EPB41L4A: variants seen among roughly 807,000 people sequenced by gnomAD.
EPB41L4A encodes the protein erythrocyte membrane protein band 4.1 like 4A.
Under a neutral mutation model 108.6 loss-of-function variants are expected in EPB41L4A, and 100 were observed. That is an observed-to-expected ratio of 0.92 (90% CI 0.78 to 1.09). The LOEUF (loss-of-function observed/expected upper bound fraction) is 1.09, where lower values mean the gene tolerates loss of function less well. EPB41L4A is among the 50% of genes least tolerant of loss of function. The pLI is 0.00. For missense variants in EPB41L4A, 1,030 were observed against 842.7 expected (o/e 1.22, Z -2.75); for synonymous variants, 319 against 289.0 (o/e 1.10, Z -1.05).
intron 1 of EPB41L4A, among the ~76,000 whole-genome samples, chr5:112,310,247 G>T (rs1754963079): frequency 6.6e-6 from 1 of 152,118 alleles, no homozygotes; most frequent in Admixed American, 6.5e-5. Context: ...CTAATGCATT[G>T]GAAAGCCAAC....
rs182688427 is a variant in EPB41L4A, at chr5:112,209,768, G to A, written c.1178+124C>T. The A allele has an allele frequency of 1.3e-5, 7 of 545,336 alleles. No homozygotes were observed. The South Asian group carries it at 1.3e-4, about 10-fold the overall frequency. The allele number at this position is 545,336 out of a possible 1,614,324, so 33.8% of individuals were successfully genotyped here. A position where few individuals can be genotyped will look rare whatever the true frequency, so the allele number is the denominator to read the frequency against. On this transcript the variant is annotated intron_variant, in intron 13 of 22. Transcript: ENST00000261486. Reference sequence around the variant, plus strand: ...GTATTATTTGGCCCAGAGATTTATTGGATCCCATGGATCAAAAGTATTCAT... The same window carrying A: ...GTATTATTTGGCCCAGAGATTTATTAGATCCCATGGATCAAAAGTATTCAT...
chr5:112,380,136 G>A (rs1447818465), intron 1 of EPB41L4A, among the ~76,000 whole-genome samples: 1 of 152,156 alleles, frequency 6.6e-6, no homozygotes, highest in Non-Finnish European at 1.5e-5. Context: ...ACAGCTGCAG[G>A]AGTGAGGGAC....
chr5:112,323,708 G>A (rs879747766), intron 1 of EPB41L4A, among the ~76,000 whole-genome samples: 1 of 152,162 alleles, frequency 6.6e-6, no homozygotes, highest in Non-Finnish European at 1.5e-5. Context: ...AATGGTCAGT[G>A]TAACAGTCTC....
intron 1 of EPB41L4A, among the ~76,000 whole-genome samples, chr5:112,356,505 A>C (rs1052980482): frequency 2.0e-5 from 3 of 152,244 alleles, no homozygotes; most frequent in Admixed American, 6.5e-5. Context: ...CTAGCACCTG[A>C]TATGAAGATA....
intron 11 of EPB41L4A, among the ~76,000 whole-genome samples, chr5:112,237,178 T>A (rs529023463): frequency 6.6e-6 from 1 of 152,142 alleles, no homozygotes; most frequent in Non-Finnish European, 1.5e-5. Flanking sequence ...TATAACAAAA[T>A]GTTTAATCAA....
intron 17 of EPB41L4A, among the ~76,000 whole-genome samples, chr5:112,192,861 G>C (rs1030354895): frequency 6.6e-6 from 1 of 152,084 alleles, no homozygotes; most frequent in East Asian, 1.9e-4. Flanking sequence ...GAATATATTA[G>C]GTAAAACAGA....
intron 15 of EPB41L4A, among the ~76,000 whole-genome samples, chr5:112,203,298 G>A (rs974332949): frequency 6.6e-6 from 1 of 152,160 alleles, no homozygotes; most frequent in South Asian, 2.1e-4. Flanking sequence ...AGAGTTTGCA[G>A]TGAGCCAAGA....
At chr5:112,345,804 C>T (rs984445230) in intron 1 of EPB41L4A, among the ~76,000 whole-genome samples, 1 of 151,336 alleles carries the variant, frequency 6.6e-6, no homozygotes, top group Non-Finnish European at 1.5e-5. Context: ...CACACACACA[C>T]ACACACACAC....
At chr5:112,279,019 C>T (rs1752786727) in intron 3 of EPB41L4A, among the ~76,000 whole-genome samples, 1 of 147,154 alleles carries the variant, frequency 6.8e-6, no homozygotes, top group Non-Finnish European at 1.5e-5. Context: ...GAGCCAAGAG[C>T]TCGCCACTGC....
chr5:112,145,803 C>G (rs778336000), intron 13 of EPB41L4A: 5 of 411,326 alleles, frequency 1.2e-5, no homozygotes, highest in Non-Finnish European at 2.4e-5. Context: ...AAGAACAACC[C>G]TAGACACATT....
intron 1 of EPB41L4A, among the ~76,000 whole-genome samples, chr5:112,333,433 A>G (rs1425378636): frequency 6.6e-6 from 1 of 152,194 alleles, no homozygotes; most frequent in Non-Finnish European, 1.5e-5. Flanking sequence ...AAGGATAATG[A>G]CTGTGACACC....
At chr5:112,158,327 C>T (rs1759720753), downstream of EPB41L4A, 1 of 238,074 alleles carries the variant, frequency 4.2e-6, no homozygotes, top group South Asian at 4.8e-5. Context: ...GTACCACACA[C>T]AATGCTACGT....
intron 1 of EPB41L4A, among the ~76,000 whole-genome samples, chr5:112,393,146 C>G (rs1761067177): frequency 6.6e-6 from 1 of 152,072 alleles, no homozygotes; most frequent in African/African-American, 2.4e-5. Context: ...CAGGAAAGAT[C>G]TAAAATCGAC....
chr5:112,292,453 C>T (rs1753710309), intron 2 of EPB41L4A, among the ~76,000 whole-genome samples: 1 of 152,126 alleles, frequency 6.6e-6, no homozygotes, highest in Non-Finnish European at 1.5e-5. Flanking sequence ...CATAAAGCAG[C>T]TCTCAAAACT....
At chr5:112,385,521 A>G (rs1433165129) in intron 1 of EPB41L4A, among the ~76,000 whole-genome samples, 1 of 151,868 alleles carries the variant, frequency 6.6e-6, no homozygotes, top group Non-Finnish European at 1.5e-5. Context: ...AAAAAAAAAA[A>G]AAAAAAGTAA....
chr5:112,182,822 ATC>A (rs10617947), intron 18 of EPB41L4A, among the ~76,000 whole-genome samples: 114,209 of 151,274 alleles, frequency 0.75, 43,547 homozygotes, highest in East Asian at 1. Context: ...GGAAGGTGCT[ATC>A]TCACAACAAA....
rs140390700 is a variant in EPB41L4A, at chr5:112,222,564, C to G, written c.1087+12070G>C. Among the ~76,000 whole-genome samples the G allele has an allele frequency of 2.6e-5, 4 of 152,322 alleles. No individual in the cohort carries two copies. In the East Asian group the frequency reaches 7.7e-4, roughly 29 times the overall value. Reference sequence around the variant, plus strand: ...CAACAGGATCTCACAGACTTCAGTTCATAGCTACTAAGCCTCCCTTCCCCT... The same window carrying G: ...CAACAGGATCTCACAGACTTCAGTTGATAGCTACTAAGCCTCCCTTCCCCT... On this transcript the variant is annotated intron_variant, in intron 12 of 22. Coordinates refer to ENST00000261486, the MANE Select transcript of EPB41L4A (RefSeq NM_022140.5).
chr5:112,318,346 G>A (rs1755557908), intron 1 of EPB41L4A, among the ~76,000 whole-genome samples: 1 of 152,190 alleles, frequency 6.6e-6, no homozygotes, highest in Non-Finnish European at 1.5e-5. Context: ...CCAGAGTAGA[G>A]AGCTATTTTC....
intron 12 of EPB41L4A, among the ~76,000 whole-genome samples, chr5:112,233,921 T>C (rs1749139394): frequency 6.6e-6 from 1 of 152,114 alleles, no homozygotes; most frequent in Non-Finnish European, 1.5e-5. Context: ...CCTGAATTCC[T>C]GGGCTCCAGC....
Sources: gnomAD v4.1 joint callset for allele counts (sites outside exome capture counted in the v4.1 genomes callset) on GRCh38, gnomAD v4.1.1 for gene constraint, MANE v1.5 for transcripts, NCBI Gene and HGNC (gene_info 2026-07-23, HGNC 2026-07-21) for gene names.